The following RABGEF1 variants were observed in gnomAD, a reference collection of about 807,000 sequenced individuals.
The protein encoded by RABGEF1 is RAB guanine nucleotide exchange factor 1.
Under a neutral mutation model 57.3 loss-of-function variants are expected in RABGEF1, and 26 were observed. The ratio of observed to expected loss-of-function variants is 0.45; its 90% CI spans 0.33 to 0.63. The LOEUF (loss-of-function observed/expected upper bound fraction) is 0.63. Among genes scored for constraint, RABGEF1 ranks in the 20% least tolerant of loss-of-function variants. The pLI, the probability that RABGEF1 is intolerant of heterozygous loss-of-function variation, is 0.02. For synonymous variants in RABGEF1, 185 were observed against 210.7 expected, an observed-to-expected ratio of 0.88 and a Z score of 1.06; for missense variants, 464 against 607.6, an observed-to-expected ratio of 0.76 and a Z score of 2.48.
the RABGEF1 span, among the ~76,000 whole-genome samples, chr7:66,675,095 G>A: frequency 1.3e-5 from 2 of 152,004 alleles, no homozygotes; most frequent in Non-Finnish European, 2.9e-5. Flanking sequence ...CTGTGCCAGC[G>A]ATTTTCTAAT....
At chr7:66,702,613 C>T (rs901966348) in intron 1 of RABGEF1, among the ~76,000 whole-genome samples, 3 of 152,014 alleles carry the variant, frequency 2.0e-5, no homozygotes, top group East Asian at 1.9e-4. Context: ...ATGAGAACTC[C>T]GATTTCTCCA....
chr7:66,694,982 G>A (rs1166042628), intron 1 of RABGEF1, among the ~76,000 whole-genome samples: 1 of 152,138 alleles, frequency 6.6e-6, no homozygotes, highest in Non-Finnish European at 1.5e-5. Flanking sequence ...GGAGAGTATG[G>A]TGTCAAGCCA....
At chr7:66,697,795 G>A (rs1270042501) in intron 1 of RABGEF1, among the ~76,000 whole-genome samples, 2 of 152,130 alleles carry the variant, frequency 1.3e-5, no homozygotes, top group Admixed American at 6.5e-5. Context: ...CTGAGGTCAC[G>A]TCTGGGACTC....
At position 66,722,406 on chromosome 7, in the gene RABGEF1, C is replaced by T. The variant is rs867798210; in HGVS notation, c.-815+10182C>T. 2.6e-4 allele frequency among the ~76,000 whole-genome samples: 39 copies of T among 152,224 alleles called. No homozygotes were observed. In the Middle Eastern group the frequency reaches 0.01, roughly 40 times the overall value. On this transcript the variant is annotated intron_variant and NMD_transcript_variant, in intron 2 of 9. Coordinates refer to the RABGEF1 transcript ENST00000607882. ...AGTGAGCTGAGATTGTGCCATTGCA[C>T]GCCAGCCTGGATGACAGAGCAAAAC... is the stretch of plus-strand genomic sequence containing the variant.
At chr7:66,773,697 G>T in intron 2 of RABGEF1, 1 of 454,020 alleles carries the variant, frequency 2.2e-6, no homozygotes, top group Non-Finnish European at 4.4e-6. Flanking sequence ...ACAGGGTCTT[G>T]CTCTGTTACC....
upstream of RABGEF1, among the ~76,000 whole-genome samples, chr7:66,680,971 T>C (rs184518287): frequency 3.1e-3 from 471 of 152,164 alleles, 2 homozygotes; most frequent in Non-Finnish European, 5.5e-3. Context: ...TAATTCCGGC[T>C]ACTCGAGAGG....
At chr7:66,670,894 TACACACACACAC>T in the RABGEF1 span, among the ~76,000 whole-genome samples, 10 of 145,592 alleles carry the variant, frequency 6.9e-5, no homozygotes, top group Non-Finnish European at 1.2e-4. Flanking sequence ...CACATACGTA[TACACACACACAC>T]ACACACACAC....
intron 1 of RABGEF1, among the ~76,000 whole-genome samples, chr7:66,768,209 T>G (rs534348994): frequency 6.6e-6 from 1 of 152,342 alleles, no homozygotes; most frequent in Non-Finnish European, 1.5e-5. Flanking sequence ...AGTTAACAAA[T>G]TGTCTTCTGC....
intron 1 of RABGEF1, among the ~76,000 whole-genome samples, chr7:66,709,087 G>T (rs193099024): frequency 6.6e-6 from 1 of 150,938 alleles, no homozygotes; most frequent in Non-Finnish European, 1.5e-5. Context: ...GCACAATCTC[G>T]GCTCACTACA....
intron 1 of RABGEF1, among the ~76,000 whole-genome samples, chr7:66,757,069 A>G (rs533196858): frequency 7.2e-5 from 11 of 152,336 alleles, no homozygotes; most frequent in East Asian, 3.9e-4. Context: ...TTGAGTTCCA[A>G]AAAGTCTTGT....
chr7:66,792,787 A>G (rs1259524231), intron 4 of RABGEF1, among the ~76,000 whole-genome samples: 1 of 152,158 alleles, frequency 6.6e-6, no homozygotes, highest in Non-Finnish European at 1.5e-5. Flanking sequence ...ACCCATACTG[A>G]GCACTAACCC....
chr7:66,719,069 C>T (rs1043361806), intron 2 of RABGEF1, among the ~76,000 whole-genome samples: 9 of 152,238 alleles, frequency 5.9e-5, no homozygotes, highest in South Asian at 2.1e-4. Context: ...AGTGTTCCCT[C>T]GCAGAGCATT....
intron 2 of RABGEF1, among the ~76,000 whole-genome samples, chr7:66,772,969 T>G (rs1807549001): frequency 6.6e-6 from 1 of 151,822 alleles, no homozygotes; most frequent in African/African-American, 2.4e-5. Flanking sequence ...GCATAGGAAC[T>G]AATAAAATGC....
intron 3 of RABGEF1, among the ~76,000 whole-genome samples, chr7:66,779,559 C>T (rs1336524485): frequency 5.3e-5 from 8 of 151,554 alleles, no homozygotes; most frequent in Admixed American, 3.3e-4. Context: ...GTAGCCCCAA[C>T]TACTTGGGAG....
chr7:66,781,336 G>A (rs1169002491), intron 3 of RABGEF1, among the ~76,000 whole-genome samples: 3 of 151,890 alleles, frequency 2.0e-5, no homozygotes, highest in Non-Finnish European at 4.4e-5. Context: ...AATCTTAGAC[G>A]GGAATTTTTA....
upstream of RABGEF1, among the ~76,000 whole-genome samples, chr7:66,737,064 G>A (rs1054089408): frequency 4.8e-5 from 6 of 125,792 alleles, no homozygotes; most frequent in Admixed American, 5.1e-4. Context: ...GAGAGAGAGA[G>A]AGAGAGAGTG....
At chr7:66,654,877 C>G in the RABGEF1 span, among the ~76,000 whole-genome samples, 2 of 152,248 alleles carry the variant, frequency 1.3e-5, no homozygotes, top group African/African-American at 4.8e-5. Flanking sequence ...CTAACGTGCT[C>G]GTTGCCGGCA....
In RABGEF1 at chr7:66,747,616, GTTTTA is replaced by G. The variant is rs564179198; in HGVS notation, c.-18+6829_-18+6833del. Among the ~76,000 whole-genome samples, 292 of 152,142 alleles carry G rather than the reference GTTTTA, an allele frequency of 1.9e-3. 3 individuals are homozygous for G. The highest frequency in any genetic ancestry group is 2.2e-3 in the Non-Finnish European group (152 of 67,982). On this transcript the variant is annotated intron_variant, in intron 1 of 8. Coordinates refer to ENST00000284957, the MANE Select transcript of RABGEF1 (RefSeq NM_014504.3). The stretch of plus-strand genomic sequence containing the variant: ...TTGCAGTTAAAAATACATAGTGAAA[GTTTTA>G]TTTTTGTAGTTCCTCTGTTGTACAG...
intron 1 of RABGEF1, among the ~76,000 whole-genome samples, chr7:66,710,203 G>A (rs1228759987): frequency 1.3e-5 from 2 of 152,124 alleles, no homozygotes; most frequent in Non-Finnish European, 1.5e-5. Context: ...CATGTTATGT[G>A]TATCAATAGT....
Sources: gnomAD v4.1 joint callset for allele counts (sites outside exome capture counted in the v4.1 genomes callset) on GRCh38, gnomAD v4.1.1 for gene constraint, MANE v1.5 for transcripts, NCBI Gene and HGNC (gene_info 2026-07-23, HGNC 2026-07-21) for gene names.